Variants in ATXN1 observed in about 807,000 individuals in gnomAD.
ATXN1 encodes the protein ataxin-1.
Under a neutral mutation model 56.4 loss-of-function variants are expected in ATXN1, and 8 were observed. The ratio of observed to expected loss-of-function variants is 0.14; its 90% confidence interval spans 0.08 to 0.26. ATXN1 has a LOEUF of 0.26. Ranked by LOEUF, ATXN1 falls within the 10% of genes least tolerant of loss-of-function variation. The probability of loss-of-function intolerance (pLI) is 1.00; values close to 1 mark genes in which losing one functional copy is unlikely to be tolerated. For missense variants in ATXN1, 987 were observed against 1,106.5 expected, an observed-to-expected ratio of 0.89 and a Z score of 1.53; for synonymous variants, 514 against 494.6, an observed-to-expected ratio of 1.04 and a Z score of -0.52.
At chr6:16,331,837 A>G (rs1170557057) in intron 6 of ATXN1, among the ~76,000 whole-genome samples, 1 of 152,210 alleles carries the variant, frequency 6.6e-6, no homozygotes, top group African/African-American at 2.4e-5. Context: ...GCTTTCGTAA[A>G]TTTGAAAAAG....
chr6:16,626,411 C>A (rs139341026), intron 3 of ATXN1, among the ~76,000 whole-genome samples: 2,106 of 152,234 alleles, frequency 0.014, 30 homozygotes, highest in Middle Eastern at 0.027. Flanking sequence ...CCTGCCTCAG[C>A]CTCCCAAGCA....
intron 6 of ATXN1, among the ~76,000 whole-genome samples, chr6:16,422,497 G>A (rs1007288878): frequency 6.6e-6 from 1 of 152,176 alleles, no homozygotes; most frequent in Admixed American, 6.5e-5. Flanking sequence ...TTCTTGGAGA[G>A]AGAGACTTGG....
chr6:16,630,243 T>C (rs1475412850), intron 3 of ATXN1, among the ~76,000 whole-genome samples: 1 of 152,218 alleles, frequency 6.6e-6, no homozygotes, highest in Non-Finnish European at 1.5e-5. Context: ...ATGACTCTCT[T>C]GAGGCAAACA....
chr6:16,568,985 G>A (rs151061405), intron 4 of ATXN1, among the ~76,000 whole-genome samples: 129 of 152,236 alleles, frequency 8.5e-4, no homozygotes, highest in African/African-American at 3.0e-3. Flanking sequence ...ATTTAGTAAT[G>A]GTAAACAAGA....
chr6:16,400,068 A>T (rs1442677654), intron 6 of ATXN1, among the ~76,000 whole-genome samples: 1 of 152,162 alleles, frequency 6.6e-6, no homozygotes, highest in Non-Finnish European at 1.5e-5. Context: ...CAGAACCAGA[A>T]TGTGCATTTC....
In ATXN1 at chr6:16,524,692, C is replaced by G. The variant is rs112406931; in HGVS notation, c.-360-2004G>C. Reference sequence around the variant, plus strand: ...AAAAAGGCATTATCACCATTTGGCACACAACATGTTCATATATCTGTAACA... The same window carrying G: ...AAAAAGGCATTATCACCATTTGGCAGACAACATGTTCATATATCTGTAACA... On this transcript the variant is annotated intron_variant, in intron 4 of 7. Coordinates refer to ENST00000436367, the MANE Select transcript of ATXN1 (RefSeq NM_001128164.2). Among the ~76,000 whole-genome samples the G allele has an allele frequency of 1.8e-3, 274 of 152,304 alleles. 1 individual carries two copies. Among genetic ancestry groups the G allele is most frequent in the African/African-American group, 6.0e-3 (250 of 41,558 alleles).
intron 6 of ATXN1, among the ~76,000 whole-genome samples, chr6:16,445,490 T>C (rs566355043): frequency 2.0e-5 from 3 of 152,240 alleles, no homozygotes; most frequent in African/African-American, 7.2e-5. Context: ...CTCTCTGCTT[T>C]CAAATGTGTT....
At chr6:16,397,991 T>C (rs1758490370) in intron 6 of ATXN1, among the ~76,000 whole-genome samples, 1 of 152,238 alleles carries the variant, frequency 6.6e-6, no homozygotes, top group South Asian at 2.1e-4. Context: ...ATCTAGTAAG[T>C]TGCATAGACA....
At chr6:16,498,015 G>C (rs1396300567) in intron 5 of ATXN1, among the ~76,000 whole-genome samples, 1 of 152,148 alleles carries the variant, frequency 6.6e-6, no homozygotes, top group Non-Finnish European at 1.5e-5. Flanking sequence ...ACAAAATTCA[G>C]CATTTTAACT....
intron 3 of ATXN1, among the ~76,000 whole-genome samples, chr6:16,642,538 A>C (rs1763724278): frequency 6.6e-6 from 1 of 152,280 alleles, no homozygotes; most frequent in Admixed American, 6.5e-5. Flanking sequence ...GACAGGTTTG[A>C]GAGGACTGAC....
intron 6 of ATXN1, among the ~76,000 whole-genome samples, chr6:16,346,027 G>A (rs1438088093): frequency 6.6e-6 from 1 of 152,176 alleles, no homozygotes; most frequent in Non-Finnish European, 1.5e-5. Flanking sequence ...GACTGCATCC[G>A]GCAGGAAGTG....
At chr6:16,655,184 A>G (rs1447488770) in intron 3 of ATXN1, among the ~76,000 whole-genome samples, 1 of 152,174 alleles carries the variant, frequency 6.6e-6, no homozygotes, top group Non-Finnish European at 1.5e-5. Flanking sequence ...CTAAAGAAAA[A>G]CAAAGGACAG....
chr6:16,481,661 A>ACTTC (rs1760441536), intron 6 of ATXN1, among the ~76,000 whole-genome samples: 1 of 152,158 alleles, frequency 6.6e-6, no homozygotes, highest in Non-Finnish European at 1.5e-5. Context: ...GCTTTTGTGA[A>ACTTC]CTTCCCATCA....
Position 16,388,491 on chromosome 6 carries a change from G to C in ATXN1, c.-160-60021C>G, listed in dbSNP as rs562475359. Among the ~76,000 whole-genome samples the C allele has an allele frequency of 1.1e-4, 16 of 152,302 alleles. No homozygotes were observed. The East Asian group carries it at 2.7e-3, about 26-fold the overall frequency. On this transcript the variant is annotated intron_variant, in intron 6 of 7. Transcript: ENST00000436367. The stretch of plus-strand genomic sequence containing the variant: ...GAAGACCACAGGCAGGTATGCTTTT[G>C]AAATAAGGATGCAGGAGAAATTCTG...
chr6:16,497,177 T>C (rs1477043736), intron 5 of ATXN1, among the ~76,000 whole-genome samples: 1 of 152,186 alleles, frequency 6.6e-6, no homozygotes, highest in Non-Finnish European at 1.5e-5. Context: ...AGGCAGAAAG[T>C]CTGCATTTAT....
chr6:16,662,234 A>G (rs1419846730), intron 2 of ATXN1, among the ~76,000 whole-genome samples: 1 of 152,166 alleles, frequency 6.6e-6, no homozygotes, highest in Non-Finnish European at 1.5e-5. Flanking sequence ...CATTTTTCCT[A>G]CTTTAGGTGT....
At chr6:16,402,421 T>G (rs1179635217) in intron 6 of ATXN1, among the ~76,000 whole-genome samples, 3 of 121,888 alleles carry the variant, frequency 2.5e-5, no homozygotes, top group Non-Finnish European at 5.0e-5. Flanking sequence ...GCCAGAGGAT[T>G]TTATGGTTTT....
chr6:16,341,137 G>A (rs141367169), intron 6 of ATXN1, among the ~76,000 whole-genome samples: 10 of 152,308 alleles, frequency 6.6e-5, no homozygotes, highest in East Asian at 3.9e-4. Flanking sequence ...GTTGGCTCCC[G>A]CACTTGGCTC....
At chr6:16,731,307 T>C (rs1252615946) in intron 2 of ATXN1, among the ~76,000 whole-genome samples, 1 of 151,856 alleles carries the variant, frequency 6.6e-6, no homozygotes, top group Non-Finnish European at 1.5e-5. Flanking sequence ...GAAAAGAAGA[T>C]TCTGGGAGTG....
Sources: allele counts gnomAD v4.1 joint callset (sites outside exome capture counted in the v4.1 genomes callset), GRCh38; gene constraint gnomAD v4.1.1; transcripts MANE v1.5; gene names NCBI Gene and HGNC (gene_info 2026-07-23, HGNC 2026-07-21).